Variants in RARRES1 observed in about 807,000 individuals in gnomAD.
RARRES1 encodes retinoic acid receptor responder 1.
Under a neutral mutation model 30.6 loss-of-function variants are expected in RARRES1, and 34 were observed. The ratio of observed to expected loss-of-function variants is 1.11; its 90% CI spans 0.84 to 1.48. The LOEUF (loss-of-function observed/expected upper bound fraction) is 1.48, where lower values mean the gene tolerates loss of function less well. RARRES1 is among the 40% of genes most tolerant of loss of function. RARRES1 has a pLI of 0.00. For missense variants in RARRES1, 373 were observed against 386.5 expected (o/e 0.97, Z 0.29); for synonymous variants, 153 against 155.5 (o/e 0.98, Z 0.12).
At chr3:158,730,365 C>CTCCCTCCTTCCT in intron 1 of RARRES1, among the ~76,000 whole-genome samples, 1 of 120,260 alleles carries the variant, frequency 8.3e-6, no homozygotes, top group East Asian at 2.9e-4. Flanking sequence ...GAATAGGTTG[C>CTCCCTCCTTCCT]TCCTTCCTTC....
At chr3:158,725,529 C>T (rs1396043390) in intron 1 of RARRES1, among the ~76,000 whole-genome samples, 2 of 152,214 alleles carry the variant, frequency 1.3e-5, no homozygotes, top group South Asian at 2.1e-4. Flanking sequence ...CCACCACTGC[C>T]GGTCTTGATG....
In RARRES1 at chr3:158,732,349, G is replaced by A. The variant is rs1275640765; in HGVS notation, c.67C>T (p.Pro23Ser). 1 of 1,440,764 alleles carries A rather than the reference G, an allele frequency of 6.9e-7. No homozygotes were observed. The highest frequency in any genetic ancestry group is 9.1e-7 in the Non-Finnish European group (1 of 1,104,298). 89.2% of individuals were successfully genotyped at this position (1,440,764 alleles called of 1,614,324 possible). A position where few individuals can be genotyped will look rare whatever the true frequency, so the allele number is the denominator to read the frequency against. The change falls in exon 1 of 6, where the codon CCG becomes TCG. Residue 23 changes from proline (P) to serine (S), a missense_variant. By Grantham distance (74) the Pro-to-Ser change is moderately conservative (BLOSUM62 -1). Transcript: ENST00000237696. ...AGCAACAGCAGCAGCGCGAGCAGCG[G>A]GGCGGTGGGGCGCGGGCCCCTGGGC... ...SGPRGPRPTA[P>S]LLALLLLLAP...
At chr3:158,713,664 A>G (rs1727219857) in intron 2 of RARRES1, 133 bp downstream of exon 2, 1 of 835,744 alleles carries the variant, frequency 1.2e-6, no homozygotes, top group South Asian at 1.8e-5. Context: ...AGTTCTTGAT[A>G]ACAAATAGGA....
chr3:158,727,377 G>C lies in RARRES1; in HGVS notation c.276+4763C>G, dbSNP rs1256759917. ...TGTTTCCAACCACTGGTCTTGGCCT[G>C]GTCAGAGGGTGTTTTGTTTAAGTGG... On this transcript the variant is annotated intron_variant, in intron 1 of 5. Coordinates refer to ENST00000237696, the MANE Select transcript of RARRES1 (RefSeq NM_206963.2). 2.6e-5 allele frequency among the ~76,000 whole-genome samples: 4 copies of C among 152,324 alleles called. No homozygotes were observed. The East Asian group carries it at 7.7e-4, about 29-fold the overall frequency.
chr3:158,699,390 A>G (rs1726649870), intron 4 of RARRES1, among the ~76,000 whole-genome samples: 1 of 151,462 alleles, frequency 6.6e-6, no homozygotes, highest in South Asian at 2.1e-4. Context: ...TTTTCGTTAC[A>G]TTACCAGGTT....
In RARRES1 at chr3:158,713,760, T is replaced by C. The variant is rs755855400; in HGVS notation, c.339+37A>G. 3 of 1,571,772 alleles carry C rather than the reference T, an allele frequency of 1.9e-6. No individual in the cohort carries two copies. The Admixed American group carries it at 5.3e-5, about 28-fold the overall frequency. On this transcript the variant is annotated intron_variant, in intron 2 of 5. Transcript: ENST00000237696. ...TTTTACAAAGCCATATTTATAGCAG[T>C]TGCTAATAGGATACTTTGCCAATTG... is the stretch of plus-strand genomic sequence containing the variant.
chr3:158,708,600 T>C (rs905951915), intron 3 of RARRES1, among the ~76,000 whole-genome samples: 4 of 151,996 alleles, frequency 2.6e-5, no homozygotes, highest in Non-Finnish European at 5.9e-5. Context: ...TTAGATCTTC[T>C]CACTTACCCA....
At chr3:158,715,552 G>A (rs17643171) in intron 1 of RARRES1, among the ~76,000 whole-genome samples, 28,696 of 152,122 alleles carry the variant, frequency 0.19, 2,848 homozygotes, top group Non-Finnish European at 0.23. Flanking sequence ...CAATACACAG[G>A]GCGTTGTGAA....
chr3:158,713,348 G>A (rs1338197995), intron 2 of RARRES1, among the ~76,000 whole-genome samples: 2 of 152,264 alleles, frequency 1.3e-5, no homozygotes, highest in Non-Finnish European at 2.9e-5. Context: ...GCTGGAGCAC[G>A]TGCTCGTGTT....
At chr3:158,720,677 C>G (rs1210726287) in intron 1 of RARRES1, among the ~76,000 whole-genome samples, 1 of 152,154 alleles carries the variant, frequency 6.6e-6, no homozygotes, top group Non-Finnish European at 1.5e-5. Context: ...TCTTTTCACC[C>G]AGGCTGGAGT....
intron 1 of RARRES1, among the ~76,000 whole-genome samples, chr3:158,725,385 G>T (rs1727653361): frequency 6.6e-6 from 1 of 152,216 alleles, no homozygotes; most frequent in South Asian, 2.1e-4. Context: ...GTGTGTGTAT[G>T]TATAACCTTC....
intron 1 of RARRES1, among the ~76,000 whole-genome samples, chr3:158,714,744 G>A (rs1300214362): frequency 6.6e-6 from 1 of 152,076 alleles, no homozygotes; most frequent in African/African-American, 2.4e-5. Flanking sequence ...TGATAAATCA[G>A]TAAAAGAAAT....
At position 158,732,245 on chromosome 3, in the gene RARRES1, CCTGCGCGGGACCCCAGCATCCTGAGG is replaced by C; in HGVS notation, c.145_170del (p.Pro49AlafsTer37). 1 of 1,386,352 alleles carries C rather than the reference CCTGCGCGGGACCCCAGCATCCTGAGG, an allele frequency of 7.2e-7. No individual in the cohort carries two copies. Among genetic ancestry groups the C allele is most frequent in the Non-Finnish European group, 9.3e-7 (1 of 1,079,010 alleles). The allele number at this position is 1,386,352 out of a possible 1,614,324, so 85.9% of individuals were successfully genotyped here. ...CCGCGCGCGCCGCCTGCTGCAGGAG[CCTGCGCGGGACCCCAGCATCCTGAGG>C]CTGCCCAGGGTCGTCGGGGTCCCCG... is the stretch of plus-strand genomic sequence containing the variant. On this transcript the variant is annotated frameshift_variant, in exon 1 of 6. Coordinates refer to ENST00000237696, the MANE Select transcript of RARRES1 (RefSeq NM_206963.2). LOFTEE classifies it high-confidence loss of function.
intron 1 of RARRES1, among the ~76,000 whole-genome samples, chr3:158,720,271 T>TGAGAGAGAGAGAGAGA (rs1381094640): frequency 6.7e-6 from 1 of 148,792 alleles, no homozygotes; most frequent in African/African-American, 2.6e-5. Flanking sequence ...TGTGTATGTG[T>TGAGAGAGAGAGAGAGA]GTGAGAGAGA....
At chr3:158,713,929 C>A in intron 1 of RARRES1, 70 bp from the exon 2 acceptor site, 3 of 1,364,278 alleles carry the variant, frequency 2.2e-6, no homozygotes, top group Non-Finnish European at 3.1e-6. Flanking sequence ...AGGAATCACA[C>A]TCTTAGGATA....
chr3:158,700,901 C>G (rs1726701115), intron 4 of RARRES1, among the ~76,000 whole-genome samples: 1 of 152,148 alleles, frequency 6.6e-6, no homozygotes, highest in Non-Finnish European at 1.5e-5. Context: ...CCCCTCCACC[C>G]TGCTTCCCCC....
chr3:158,705,281 T>C (rs1183036622), intron 3 of RARRES1, among the ~76,000 whole-genome samples: 2 of 152,180 alleles, frequency 1.3e-5, no homozygotes, highest in African/African-American at 4.8e-5. Context: ...AGGCCTGAGC[T>C]GCTTCTCCCT....
rs1456660301 is a variant in RARRES1, at chr3:158,717,334, A to G, written c.277-3475T>C. Among the ~76,000 whole-genome samples the G allele has an allele frequency of 2.0e-5, 3 of 152,222 alleles. No homozygotes were observed. In the East Asian group the frequency reaches 5.8e-4, roughly 29 times the overall value. ...AGTCTAGCGGGAGAGGGCCTTAAAT[A>G]GAGCATTGTAGGATTGATTATTTGA... On this transcript the variant is annotated intron_variant, in intron 1 of 5. Transcript: ENST00000237696.
intron 3 of RARRES1, chr3:158,705,837 G>A (rs570801816): frequency 6.6e-6 from 1 of 152,122 alleles, no homozygotes; most frequent in East Asian, 1.9e-4. Flanking sequence ...CATTGTTTTC[G>A]GACCTAAAAT....
Sources: allele counts gnomAD v4.1 joint callset (sites outside exome capture counted in the v4.1 genomes callset), GRCh38; gene constraint gnomAD v4.1.1; transcripts MANE v1.5; gene names NCBI Gene and HGNC (gene_info 2026-07-23, HGNC 2026-07-21).